The following FUT8 variants were observed in gnomAD, a reference collection of about 807,000 sequenced individuals.
FUT8 encodes the protein alpha-(1,6)-fucosyltransferase.
A neutral mutation model predicts 71.3 loss-of-function variants in FUT8; 29 were observed. The ratio of observed to expected loss-of-function variants is 0.41; its 90% CI spans 0.30 to 0.55. The LOEUF (loss-of-function observed/expected upper bound fraction) is 0.55, where lower values mean the gene tolerates loss of function less well. FUT8 is among the 20% of genes least tolerant of loss of function. The pLI is 0.34. For synonymous variants in FUT8, 254 were observed against 239.3 expected (o/e 1.06, Z -0.57); for missense variants, 544 against 702.1 (o/e 0.77, Z 2.55).
In FUT8 at chr14:65,643,665, T is replaced by TACACACACACAAACACAC. The variant is rs1890964790; in HGVS notation, c.597+14070_597+14071insAACACACACACACACACA. ...CGAGACTCCGTCTTTAAAAAAAAAA[T>TACACACACACAAACACAC]ACACACACACACACACACACACACA... On this transcript the variant is annotated intron_variant, in intron 6 of 10. Transcript: ENST00000673929. This position sits in a 1 kb window ranked among gnomAD's most constrained non-coding sequence, Gnocchi z 4.5. 8.0e-6 allele frequency among the ~76,000 whole-genome samples: 1 copy of TACACACACACAAACACAC among 124,712 alleles called. No homozygotes were observed. Among genetic ancestry groups the TACACACACACAAACACAC allele is most frequent in the Non-Finnish European group, 1.6e-5 (1 of 61,890 alleles). The allele number at this position is 124,712 out of a possible 152,430, so 81.8% of individuals were successfully genotyped here.
At chr14:65,733,130 G>GTCTCCTTTAAAGGT (rs1351291401) in intron 9 of FUT8, 101 bp from the exon 10 acceptor site, 2 of 681,328 alleles carry the variant, frequency 2.9e-6, no homozygotes, top group African/African-American at 3.7e-5. Flanking sequence ...ATAATTAAAG[G>GTCTCCTTTAAAGGT]TCTCCTTTCT....
chr14:65,406,128 A>G (rs1054855381), upstream of FUT8, among the ~76,000 whole-genome samples: 4 of 152,278 alleles, frequency 2.6e-5, no homozygotes, highest in Non-Finnish European at 5.9e-5. Flanking sequence ...AAAGGAGAAC[A>G]GGATCTATCC....
chr14:65,612,512 T>C (rs1241343627), intron 3 of FUT8, among the ~76,000 whole-genome samples: 1 of 152,206 alleles, frequency 6.6e-6, no homozygotes, highest in East Asian at 1.9e-4. Flanking sequence ...TATGTGTGTG[T>C]GCTGATGAGT....
rs189197715 is a variant in FUT8 at position 65,690,992 on chromosome 14, C to A, written c.835+21512C>A. Among the ~76,000 whole-genome samples the A allele has an allele frequency of 1.5e-3, 217 of 145,394 alleles. 3 individuals are homozygous for A. Among genetic ancestry groups the A allele is most frequent in the Non-Finnish European group, 2.4e-3 (166 of 67,962 alleles). ...CTACCTGCCTCGGCCTCCCAAAGTGCTGGGATTACAGGCGTGAGCCACCAC... is the reference window on the plus strand; with the variant it reads ...CTACCTGCCTCGGCCTCCCAAAGTGATGGGATTACAGGCGTGAGCCACCAC... On this transcript the variant is annotated intron_variant, in intron 7 of 10. Transcript: ENST00000673929.
chr14:65,506,347 A>G (rs1283517486), intron 2 of FUT8, among the ~76,000 whole-genome samples: 2 of 152,260 alleles, frequency 1.3e-5, no homozygotes, highest in African/African-American at 4.8e-5. Flanking sequence ...CTATAAAAAA[A>G]GAAGTAAAGA....
intron 8 of FUT8, among the ~76,000 whole-genome samples, chr14:65,723,046 G>A (rs1347280575): frequency 4.6e-5 from 7 of 151,846 alleles, no homozygotes; most frequent in Non-Finnish European, 1.0e-4. Flanking sequence ...AGGCATAGTG[G>A]CTCATGCCTG....
chr14:65,488,102 G>A (rs2066434993), intron 2 of FUT8, among the ~76,000 whole-genome samples: 1 of 152,180 alleles, frequency 6.6e-6, no homozygotes, highest in Admixed American at 6.6e-5. Flanking sequence ...GATTAGGGGC[G>A]TGAGCTACCT....
chr14:65,702,345 CAA>C (rs71989314), intron 7 of FUT8, among the ~76,000 whole-genome samples: 8 of 134,928 alleles, frequency 5.9e-5, no homozygotes, highest in African/African-American at 5.6e-5. Context: ...AACTCCATCT[CAA>C]AAAAAAAAAA....
At chr14:65,733,194 T>C in intron 9 of FUT8, 37 bp from the exon 10 acceptor site, 1 of 1,369,648 alleles carries the variant, frequency 7.3e-7, no homozygotes, top group Non-Finnish European at 1.0e-6. Context: ...GATACTGTGA[T>C]ATCTATGACC....
chr14:65,499,074 A>G (rs1304283351), intron 2 of FUT8, among the ~76,000 whole-genome samples: 1 of 152,130 alleles, frequency 6.6e-6, no homozygotes, highest in African/African-American at 2.4e-5. Flanking sequence ...AACAGTGGTT[A>G]TTACCAAAAA....
At chr14:65,686,965 C>A (rs1893319734) in intron 7 of FUT8, among the ~76,000 whole-genome samples, 1 of 152,142 alleles carries the variant, frequency 6.6e-6, no homozygotes, top group East Asian at 1.9e-4. Context: ...ACTACTTCTT[C>A]ATATGGCCTT....
At chr14:65,724,353 TG>T in intron 9 of FUT8, 30 bp downstream of exon 9, 1 of 1,391,416 alleles carries the variant, frequency 7.2e-7, no homozygotes, top group Non-Finnish European at 9.9e-7. Flanking sequence ...GATTCTAGAG[TG>T]GGGTTGTCTC....
intron 1 of FUT8, among the ~76,000 whole-genome samples, chr14:65,432,030 T>TTACCAG (rs2065484761): frequency 6.6e-6 from 1 of 152,346 alleles, no homozygotes; most frequent in South Asian, 2.1e-4. Flanking sequence ...CTTTCTGTTG[T>TTACCAG]TACCAGTGAC....
At chr14:65,520,889 T>C (rs548803326) in intron 2 of FUT8, among the ~76,000 whole-genome samples, 4 of 152,264 alleles carry the variant, frequency 2.6e-5, no homozygotes, top group East Asian at 3.9e-4. Context: ...TCTCCAGAAA[T>C]TGTATATTTA....
At chr14:65,414,448 T>C (rs2065190131) in intron 1 of FUT8, among the ~76,000 whole-genome samples, 1 of 152,134 alleles carries the variant, frequency 6.6e-6, no homozygotes, top group Non-Finnish European at 1.5e-5. Context: ...AATAATGGAG[T>C]TGTAGTCTCT....
At chr14:65,691,621 A>C (rs1232210864) in intron 7 of FUT8, among the ~76,000 whole-genome samples, 7 of 152,014 alleles carry the variant, frequency 4.6e-5, no homozygotes, top group African/African-American at 1.5e-4. Context: ...TTATTTATTT[A>C]TTGATCATTC....
chr14:65,658,637 G>A (rs1052648971), intron 6 of FUT8, among the ~76,000 whole-genome samples: 2 of 152,110 alleles, frequency 1.3e-5, no homozygotes, highest in Non-Finnish European at 2.9e-5. Context: ...AGAGCATTGT[G>A]CTGAGTAATA....
At chr14:65,675,727 C>T (rs763460135) in intron 7 of FUT8, among the ~76,000 whole-genome samples, 7 of 152,044 alleles carry the variant, frequency 4.6e-5, no homozygotes, top group African/African-American at 1.7e-4. Context: ...CGGTGGCTCA[C>T]GCCTGTAATC....
intron 2 of FUT8, chr14:65,471,010 T>A: frequency 2.3e-6 from 1 of 434,208 alleles, no homozygotes; most frequent in South Asian, 1.7e-5. Context: ...TGTCTTTGGG[T>A]TTTTGTAAAG....
Sources: allele counts gnomAD v4.1 joint callset (sites outside exome capture counted in the v4.1 genomes callset), GRCh38; gene constraint gnomAD v4.1.1; non-coding constraint Gnocchi (gnomAD v3.1); transcripts MANE v1.5; gene names NCBI Gene and HGNC (gene_info 2026-07-23, HGNC 2026-07-21).